The following NR3C2 variants were observed in gnomAD, a reference collection of about 807,000 sequenced individuals.
NR3C2 encodes the protein mineralocorticoid receptor.
A neutral mutation model predicts 86.4 loss-of-function variants in NR3C2; 15 were observed. The observed-to-expected ratio is 0.17, with a 90% CI of 0.12 to 0.27. NR3C2 has a LOEUF of 0.27. Ranked by LOEUF, NR3C2 falls within the 10% of genes least tolerant of loss-of-function variation. The probability of loss-of-function intolerance (pLI) is 1.00; values close to 1 mark genes in which losing one functional copy is unlikely to be tolerated. For synonymous variants in NR3C2, 458 were observed against 450.5 expected, an observed-to-expected ratio of 1.02 and a Z score of -0.21; for missense variants, 960 against 1,195.6, an observed-to-expected ratio of 0.80 and a Z score of 2.91.
intron 2 of NR3C2, among the ~76,000 whole-genome samples, chr4:148,433,215 A>T (rs1162113918): frequency 6.6e-6 from 1 of 152,184 alleles, no homozygotes; most frequent in Non-Finnish European, 1.5e-5. Flanking sequence ...AGGGATATAG[A>T]ACAAACATAA....
At chr4:148,423,302 T>G (rs973624612) in intron 2 of NR3C2, among the ~76,000 whole-genome samples, 4 of 152,160 alleles carry the variant, frequency 2.6e-5, no homozygotes, top group Non-Finnish European at 4.4e-5. Context: ...ATGTCTATAA[T>G]CTAGTTTTCC....
chr4:148,335,210 AG>A (rs1744420747), intron 2 of NR3C2, among the ~76,000 whole-genome samples: 1 of 152,210 alleles, frequency 6.6e-6, no homozygotes, highest in African/African-American at 2.4e-5. Context: ...TAACAGACCA[AG>A]TGATTCTAAT....
At chr4:148,321,365 G>A (rs892726309) in intron 2 of NR3C2, among the ~76,000 whole-genome samples, 10 of 151,818 alleles carry the variant, frequency 6.6e-5, no homozygotes, top group Middle Eastern at 3.4e-3. Context: ...TTGCTTTGGG[G>A]TGGAGAGTTC....
Position 148,440,633 on chromosome 4 carries a change from A to C in NR3C2, c.-3+1527T>G, listed in dbSNP as rs544591060. Among the ~76,000 whole-genome samples, 8 of 152,248 alleles carry C rather than the reference A, an allele frequency of 5.3e-5. No individual in the cohort carries two copies. In the South Asian group the frequency reaches 6.2e-4, roughly 12 times the overall value. On this transcript the variant is annotated intron_variant, in intron 1 of 8. Coordinates refer to ENST00000358102, the MANE Select transcript of NR3C2 (RefSeq NM_000901.5). ...CAAATGGGCCTCGCCCCAAAACACA[A>C]AAAAAAATTCACTAAAGGAAAAGCA...
At chr4:148,361,330 C>T (rs1176861038) in intron 2 of NR3C2, among the ~76,000 whole-genome samples, 1 of 152,190 alleles carries the variant, frequency 6.6e-6, no homozygotes. Context: ...ATAAAAATCT[C>T]TAGGCTACGA....
intron 2 of NR3C2, among the ~76,000 whole-genome samples, chr4:148,306,989 T>C (rs1302591369): frequency 1.3e-5 from 2 of 152,170 alleles, no homozygotes. Flanking sequence ...TTAATTTACA[T>C]CTTAATATCT....
chr4:148,334,004 A>G (rs1250916800), intron 2 of NR3C2, among the ~76,000 whole-genome samples: 6 of 152,194 alleles, frequency 3.9e-5, no homozygotes, highest in Non-Finnish European at 5.9e-5. Context: ...TGGTTTGATA[A>G]TTAGAAAACG....
intron 2 of NR3C2, among the ~76,000 whole-genome samples, chr4:148,296,115 G>C (rs1742042211): frequency 6.7e-6 from 1 of 148,532 alleles, no homozygotes; most frequent in South Asian, 2.1e-4. Flanking sequence ...AGTGAACTTA[G>C]GAAGGCCATA....
At chr4:148,335,995 G>A (rs545293411) in intron 2 of NR3C2, among the ~76,000 whole-genome samples, 2 of 152,262 alleles carry the variant, frequency 1.3e-5, no homozygotes, top group South Asian at 4.1e-4. Context: ...TGAAGTTATT[G>A]ATTTTTGTTT....
upstream of NR3C2, chr4:148,443,055 C>A: frequency 1.2e-6 from 1 of 846,950 alleles, no homozygotes; most frequent in Non-Finnish European, 1.4e-6. Context: ...GTTCCTCTCC[C>A]AGCCCCTTTC....
chr4:148,205,082 A>C (rs1736936916), intron 3 of NR3C2, among the ~76,000 whole-genome samples: 1 of 152,206 alleles, frequency 6.6e-6, no homozygotes, highest in Non-Finnish European at 1.5e-5. Flanking sequence ...TGAAGGTTTC[A>C]ACACAGTTCA....
At chr4:148,296,957 C>T (rs1261468863) in intron 2 of NR3C2, among the ~76,000 whole-genome samples, 2 of 152,202 alleles carry the variant, frequency 1.3e-5, no homozygotes, top group Non-Finnish European at 2.9e-5. Context: ...TTGACACACA[C>T]TATCCAGTAA....
intron 8 of NR3C2, among the ~76,000 whole-genome samples, chr4:148,098,773 G>A (rs2149715145): frequency 6.6e-6 from 1 of 152,298 alleles, no homozygotes; most frequent in Non-Finnish European, 1.5e-5. Flanking sequence ...TTATGACCTT[G>A]ATAAACTTAA....
At position 148,201,389 on chromosome 4, in the gene NR3C2, T is replaced by C. The variant is rs139443451; in HGVS notation, c.1898-6527A>G. ...GTCAGAGGCATCTGACCTAATAACATTGGATTATGTTTATTGGTGATTTTA... is the reference window on the plus strand; with the variant it reads ...GTCAGAGGCATCTGACCTAATAACACTGGATTATGTTTATTGGTGATTTTA... On this transcript the variant is annotated intron_variant, in intron 3 of 8. Coordinates refer to ENST00000358102, the MANE Select transcript of NR3C2 (RefSeq NM_000901.5). Among the ~76,000 whole-genome samples the C allele has an allele frequency of 2.5e-4, 38 of 152,310 alleles. 1 individual carries two copies. The East Asian group carries it at 6.0e-3, about 24-fold the overall frequency.
chr4:148,406,458 A>G (rs1748432567), intron 2 of NR3C2, among the ~76,000 whole-genome samples: 1 of 152,134 alleles, frequency 6.6e-6, no homozygotes, highest in Non-Finnish European at 1.5e-5. Context: ...TGTGGTGGTT[A>G]GGAGGTATGG....
chr4:148,312,477 T>C (rs1216680404), intron 2 of NR3C2, among the ~76,000 whole-genome samples: 1 of 152,184 alleles, frequency 6.6e-6, no homozygotes, highest in Non-Finnish European at 1.5e-5. Context: ...GCATTTACCA[T>C]TATCGAAATA....
chr4:148,343,686 C>T (rs951901299), intron 2 of NR3C2, among the ~76,000 whole-genome samples: 3 of 151,992 alleles, frequency 2.0e-5, no homozygotes, highest in African/African-American at 7.2e-5. Context: ...CCCTAAGAAT[C>T]ATTTTAAAGG....
At chr4:148,142,968 G>A (rs2149755269) in intron 6 of NR3C2, among the ~76,000 whole-genome samples, 1 of 152,276 alleles carries the variant, frequency 6.6e-6, no homozygotes, top group South Asian at 2.1e-4. Flanking sequence ...CTTCTGCCAT[G>A]ATGGGAAGCT....
At chr4:148,438,613 A>C (rs1750187315) in intron 1 of NR3C2, among the ~76,000 whole-genome samples, 2 of 152,200 alleles carry the variant, frequency 1.3e-5, no homozygotes, top group South Asian at 4.1e-4. Flanking sequence ...TTTAAAAAAA[A>C]ACAAAAAACA....
Sources: allele counts gnomAD v4.1 joint callset (sites outside exome capture counted in the v4.1 genomes callset), GRCh38; gene constraint gnomAD v4.1.1; transcripts MANE v1.5; gene names NCBI Gene and HGNC (gene_info 2026-07-23, HGNC 2026-07-21).